Variants in OLFM3 observed in about 807,000 individuals in gnomAD.
The protein encoded by OLFM3 is noelin-3.
A neutral mutation model predicts 48.6 loss-of-function variants in OLFM3; 20 were observed. The ratio of observed to expected loss-of-function variants is 0.41; its 90% CI spans 0.29 to 0.60. OLFM3 has a LOEUF of 0.60. Among genes scored for constraint, OLFM3 ranks in the 20% least tolerant of loss-of-function variants. The pLI is 0.28. For synonymous variants in OLFM3, 222 were observed against 198.1 expected, an observed-to-expected ratio of 1.12 and a Z score of -1.01; for missense variants, 437 against 544.3, an observed-to-expected ratio of 0.80 and a Z score of 1.96.
At chr1:101,951,443 C>T (rs1477317392) in intron 1 of OLFM3, among the ~76,000 whole-genome samples, 1 of 152,098 alleles carries the variant, frequency 6.6e-6, no homozygotes, top group Non-Finnish European at 1.5e-5. Flanking sequence ...AAACTGAAGA[C>T]TGACTTAATG....
rs71592233 is a variant in OLFM3 at position 101,967,590 on chromosome 1, G to GAAAAAAAA, written c.69+29150_69+29157dup. 1.0e-3 allele frequency among the ~76,000 whole-genome samples: 46 copies of GAAAAAAAA among 44,574 alleles called. 1 individual carries two copies. Among genetic ancestry groups the GAAAAAAAA allele is most frequent in the East Asian group, 2.3e-3 (2 of 852 alleles). The allele number at this position is 44,574 out of a possible 152,430, so 29.2% of individuals were successfully genotyped here. A position where few individuals can be genotyped will look rare whatever the true frequency, so the allele number is the denominator to read the frequency against. On this transcript the variant is annotated intron_variant, in intron 1 of 5. Coordinates refer to ENST00000370103, the MANE Select transcript of OLFM3 (RefSeq NM_058170.4). ...CCTTTTTACTTCCATCCTAGTCAGT[G>GAAAAAAAA]AAAAAAAAAAAAAAAAAAAAAAAAG...
In OLFM3 at chr1:101,996,759, C is replaced by A. The variant is rs1398323036; in HGVS notation, c.58G>T (p.Asp20Tyr). 1.9e-6 allele frequency: 3 copies of A among 1,614,230 alleles called. No homozygotes were observed. In the South Asian group the frequency reaches 3.3e-5, roughly 18 times the overall value. Residue 20 changes from aspartate to tyrosine, a missense_variant, in exon 1 of 6, where the codon GAT becomes TAT. Asp to Tyr is a radical substitution (Grantham distance 160). This residue lies in a region of OLFM3 where 314 missense variants were observed against 365.5 expected (regional missense o/e 0.86). Coordinates refer to ENST00000370103, the MANE Select transcript of OLFM3 (RefSeq NM_058170.4). Reference sequence around the variant, plus strand: ...AATATTGTTCATACCTTGGAAGGATCTAATCCGGCAAACAAAGACAGCAGC... The same window carrying A: ...AATATTGTTCATACCTTGGAAGGATATAATCCGGCAAACAAAGACAGCAGC... ...LLLLSLFAGLDPSKTQISPKE... is the reference protein window; with the variant it reads ...LLLLSLFAGLYPSKTQISPKE...
intron 3 of OLFM3, among the ~76,000 whole-genome samples, chr1:101,827,248 T>A (rs1323810366): frequency 1.3e-5 from 2 of 152,188 alleles, no homozygotes; most frequent in Non-Finnish European, 1.5e-5. Context: ...AAGCTTTCTA[T>A]CTGAAAAAGT....
At chr1:101,969,713 AT>A (rs146337395) in intron 1 of OLFM3, among the ~76,000 whole-genome samples, 4 of 151,642 alleles carry the variant, frequency 2.6e-5, no homozygotes, top group Admixed American at 6.6e-5. Flanking sequence ...CTTCTTACTG[AT>A]TTTTTTTCCC....
Position 101,809,364 on chromosome 1 carries a change from A to G in OLFM3, c.593-3182T>C, listed in dbSNP as rs1653937514. Among the ~76,000 whole-genome samples the G allele has an allele frequency of 2.0e-5, 3 of 151,946 alleles. No individual in the cohort carries two copies. In the South Asian group the frequency reaches 6.2e-4, roughly 31 times the overall value. ...AGCTTGTCACATGCAAACAGGTAGA[A>G]TTAGACCAGAATTGGGCTTCTCATC... On this transcript the variant is annotated intron_variant, in intron 4 of 5. Coordinates refer to ENST00000370103, the MANE Select transcript of OLFM3 (RefSeq NM_058170.4).
chr1:101,830,015 T>A (rs1039610897), intron 3 of OLFM3, among the ~76,000 whole-genome samples: 1 of 151,976 alleles, frequency 6.6e-6, no homozygotes. Context: ...TTTTTTTGTA[T>A]TTTTAGTAGA....
chr1:101,909,935 A>G, intron 1 of OLFM3: 1 of 983,642 alleles, frequency 1.0e-6, no homozygotes, highest in African/African-American at 1.7e-5. Context: ...GTCCAGGTAA[A>G]CTATAGACTC....
chr1:101,840,564 G>C (rs1557697783), intron 1 of OLFM3, among the ~76,000 whole-genome samples: 1 of 151,194 alleles, frequency 6.6e-6, no homozygotes. Flanking sequence ...ACTGCCTCCT[G>C]AGTTCAAGTG....
At chr1:101,929,892 A>T (rs1317392991) in intron 1 of OLFM3, among the ~76,000 whole-genome samples, 1 of 152,100 alleles carries the variant, frequency 6.6e-6, no homozygotes, top group African/African-American at 2.4e-5. Flanking sequence ...CTTGTAGCAT[A>T]TAATAAACTT....
chr1:101,885,309 A>T (rs1657704827), intron 1 of OLFM3, among the ~76,000 whole-genome samples: 1 of 152,094 alleles, frequency 6.6e-6, no homozygotes, highest in Non-Finnish European at 1.5e-5. Flanking sequence ...CAGTGCCAGA[A>T]AACAGAAAGT....
At chr1:101,878,130 G>C (rs1370602618) in intron 1 of OLFM3, among the ~76,000 whole-genome samples, 1 of 151,864 alleles carries the variant, frequency 6.6e-6, no homozygotes, top group Non-Finnish European at 1.5e-5. Context: ...GACTCTGAAA[G>C]TGGAAAAATC....
intron 4 of OLFM3, among the ~76,000 whole-genome samples, chr1:101,810,520 C>A (rs1411476646): frequency 6.6e-6 from 1 of 151,902 alleles, no homozygotes; most frequent in Non-Finnish European, 1.5e-5. Context: ...GTTGAAATAG[C>A]TGCAAAAATT....
At chr1:101,852,452 A>G (rs1656259620) in intron 1 of OLFM3, among the ~76,000 whole-genome samples, 1 of 151,990 alleles carries the variant, frequency 6.6e-6, no homozygotes, top group Non-Finnish European at 1.5e-5. Context: ...CCAGGATGCC[A>G]CACTCACTAG....
chr1:101,823,485 C>T (rs1298410572), intron 4 of OLFM3, among the ~76,000 whole-genome samples: 1 of 151,900 alleles, frequency 6.6e-6, no homozygotes, highest in Non-Finnish European at 1.5e-5. Context: ...CATGGTAAGA[C>T]ATTGTAAGGC....
intron 1 of OLFM3, among the ~76,000 whole-genome samples, chr1:101,934,718 C>T (rs1659558188): frequency 6.6e-6 from 1 of 151,858 alleles, no homozygotes; most frequent in East Asian, 1.9e-4. Flanking sequence ...TGCATTCAGC[C>T]ATAAAACAGT....
intron 1 of OLFM3, among the ~76,000 whole-genome samples, chr1:101,891,303 G>A (rs1219610096): frequency 6.6e-6 from 1 of 151,950 alleles, no homozygotes; most frequent in Admixed American, 6.6e-5. Flanking sequence ...ATATTTTGCA[G>A]AGATTCAGGA....
intron 1 of OLFM3, among the ~76,000 whole-genome samples, chr1:101,905,933 C>T (rs987663840): frequency 6.6e-6 from 1 of 152,122 alleles, no homozygotes; most frequent in African/African-American, 2.4e-5. Context: ...TTTGTATGGG[C>T]TTCTTTTCTC....
At chr1:101,870,107 A>T (rs951874346) in intron 1 of OLFM3, among the ~76,000 whole-genome samples, 1 of 152,172 alleles carries the variant, frequency 6.6e-6, no homozygotes, top group African/African-American at 2.4e-5. Flanking sequence ...CATCATATTT[A>T]TTTGTTAAAT....
At chr1:101,870,477 A>G (rs986886764) in intron 1 of OLFM3, among the ~76,000 whole-genome samples, 1 of 152,176 alleles carries the variant, frequency 6.6e-6, no homozygotes, top group South Asian at 2.1e-4. Context: ...CAGTACCAGT[A>G]TTTGAGATTC....
Sources: gnomAD v4.1 joint callset for allele counts (sites outside exome capture counted in the v4.1 genomes callset) on GRCh38, gnomAD v4.1.1 for gene constraint, gnomAD v4.1.1 regional missense constraint, MANE v1.5 for transcripts, NCBI Gene and HGNC (gene_info 2026-07-23, HGNC 2026-07-21) for gene names.